The following CSMD2 variants were observed in gnomAD, a reference collection of about 807,000 sequenced individuals.
CSMD2 encodes CUB and sushi domain-containing protein 2.
In CSMD2, 130 loss-of-function variants were observed where a neutral mutation model predicts 398.5. The observed-to-expected ratio is 0.33, with a 90% CI of 0.28 to 0.38. CSMD2 has a LOEUF of 0.38. CSMD2 is among the 10% of genes least tolerant of loss of function. The pLI is 1.00. For missense variants in CSMD2, 3,829 were observed against 4,764.9 expected (o/e 0.80, Z 5.78); for synonymous variants, 1,828 against 1,908.5 (o/e 0.96, Z 1.10).
chr1:34,070,373 C>G lies in CSMD2; in HGVS notation c.404+18604G>C, dbSNP rs114116015. On this transcript the variant is annotated intron_variant, in intron 2 of 70. Transcript: ENST00000373381. ...TTTCTGGCTGACTGTTGCCCAAGGC[C>G]TTTCTCCCGCCCTCCACAGGCTCCT... 8.7e-3 allele frequency among the ~76,000 whole-genome samples: 1,319 copies of G among 152,302 alleles called. 18 individuals are homozygous for G. Among genetic ancestry groups the G allele is most frequent in the African/African-American group, 0.028 (1,160 of 41,552 alleles).
At chr1:33,528,274 A>C (rs1348402354) in intron 64 of CSMD2, among the ~76,000 whole-genome samples, 4 of 152,258 alleles carry the variant, frequency 2.6e-5, no homozygotes, top group Non-Finnish European at 5.9e-5. Flanking sequence ...CATACCTCAC[A>C]GGTCTATGCT....
intron 14 of CSMD2, among the ~76,000 whole-genome samples, chr1:33,742,589 C>G (rs866544470): frequency 2.5e-4 from 35 of 142,042 alleles, no homozygotes; most frequent in Admixed American, 2.0e-3. Flanking sequence ...CCCCCCCCCC[C>G]CAACCCCCTC....
intron 10 of CSMD2, among the ~76,000 whole-genome samples, chr1:33,799,851 G>A (rs941833099): frequency 2.0e-5 from 3 of 152,190 alleles, no homozygotes; most frequent in African/African-American, 4.8e-5. Flanking sequence ...GAAAATAAAC[G>A]GTGTGTTTTT....
Position 33,611,238 on chromosome 1 carries a change from T to C in CSMD2, c.6146A>G (p.Gln2049Arg). The C allele has an allele frequency of 3.1e-6, 5 of 1,613,746 alleles. No homozygotes were observed. The highest frequency in any genetic ancestry group is 4.2e-6 in the Non-Finnish European group (5 of 1,179,916). Residue 2049 changes from glutamine (Q) to arginine (R), a missense_variant, in exon 41 of 71, where the codon CAG (glutamine) becomes CGG (arginine). Gln to Arg is a conservative substitution (Grantham distance 43). Around this residue, in one of 5 missense-constraint regions of CSMD2, gnomAD observed 2,001 missense variants for 2,567.1 expected, o/e 0.78. Transcript: ENST00000373381. The part of the protein sequence containing the change: ...ALPVGFGAHI[Q>R]FLNFSTEPNH... ...GGGCTCGGTGGAGAAGTTCAGGAACTGGATGTGAGCTCCTGGGAGCAAGAC... is the reference window on the plus strand; with the variant it reads ...GGGCTCGGTGGAGAAGTTCAGGAACCGGATGTGAGCTCCTGGGAGCAAGAC...
At chr1:33,826,159 C>A (rs1658787258) in intron 6 of CSMD2, among the ~76,000 whole-genome samples, 1 of 152,182 alleles carries the variant, frequency 6.6e-6, no homozygotes. Context: ...TCTGCTTCTC[C>A]ACAGCTTTTT....
intron 5 of CSMD2, 79 bp from the exon 6 acceptor site, chr1:33,847,075 C>G: frequency 1.0e-6 from 1 of 956,136 alleles, no homozygotes; most frequent in East Asian, 2.9e-5. Context: ...AGTTCCTCCA[C>G]TTCCCTTGAG....
chr1:33,538,111 A>C (rs1655977797), intron 60 of CSMD2, among the ~76,000 whole-genome samples: 1 of 152,222 alleles, frequency 6.6e-6, no homozygotes, highest in African/African-American at 2.4e-5. Context: ...ATTATATTTT[A>C]TCATAATCCT....
intron 13 of CSMD2, among the ~76,000 whole-genome samples, chr1:33,768,315 T>C (rs930027193): frequency 6.6e-6 from 1 of 152,212 alleles, no homozygotes; most frequent in African/African-American, 2.4e-5. Flanking sequence ...GAGATATTTT[T>C]GGCTGTCACA....
chr1:33,865,643 G>C (rs1639976137), intron 5 of CSMD2, among the ~76,000 whole-genome samples: 1 of 152,140 alleles, frequency 6.6e-6, no homozygotes, highest in African/African-American at 2.4e-5. Flanking sequence ...AGTCCTGGGG[G>C]ACACCGCAGT....
chr1:33,597,975 A>G (rs1639949754), intron 44 of CSMD2, among the ~76,000 whole-genome samples: 1 of 152,252 alleles, frequency 6.6e-6, no homozygotes, highest in African/African-American at 2.4e-5. Context: ...TCACAGAAGA[A>G]CATTTATAGA....
intron 51 of CSMD2, among the ~76,000 whole-genome samples, 155 bp downstream of exon 51, chr1:33,571,377 C>T (rs964973188): frequency 5.3e-5 from 8 of 152,184 alleles, no homozygotes; most frequent in Admixed American, 2.0e-4. Flanking sequence ...GGCATTTTCC[C>T]AGCTCCTGAT....
intron 1 of CSMD2, among the ~76,000 whole-genome samples, chr1:34,147,148 C>A (rs1337873863): frequency 2.0e-5 from 3 of 152,172 alleles, no homozygotes; most frequent in African/African-American, 7.2e-5. Flanking sequence ...GTCCCAGCTA[C>A]TCGGGAGGCT....
At chr1:33,697,684 C>T (rs1408199024) in intron 24 of CSMD2, among the ~76,000 whole-genome samples, 1 of 152,228 alleles carries the variant, frequency 6.6e-6, no homozygotes, top group African/African-American at 2.4e-5. Context: ...ATATCACCTC[C>T]CATGCAAAAC....
In CSMD2 at chr1:33,629,751, TTTTTC is replaced by T. The variant is rs540652144; in HGVS notation, c.5201-3175_5201-3171del. On this transcript the variant is annotated intron_variant, in intron 32 of 70. Transcript: ENST00000373381. ...GATATTGATATCTACAGGTTTTTTTTTTTTCTTTTGAGACGGAGTCTCTCTCTGTC... is the reference window on the plus strand; with the variant it reads ...GATATTGATATCTACAGGTTTTTTTTTTTTGAGACGGAGTCTCTCTCTGTC... Among the ~76,000 whole-genome samples the T allele has an allele frequency of 3.3e-3, 497 of 151,866 alleles. 4 individuals are homozygous for T. The highest frequency in any genetic ancestry group is 0.012 in the African/African-American group (480 of 41,426).
intron 5 of CSMD2, among the ~76,000 whole-genome samples, chr1:33,896,010 G>C (rs1642363627): frequency 6.6e-6 from 1 of 152,150 alleles, no homozygotes; most frequent in Admixed American, 6.5e-5. Context: ...CAGAACCCCA[G>C]AGTCTGGGAG....
intron 3 of CSMD2, among the ~76,000 whole-genome samples, chr1:33,983,053 A>G (rs1353564363): frequency 6.6e-6 from 1 of 152,186 alleles, no homozygotes; most frequent in African/African-American, 2.4e-5. Flanking sequence ...AGCTGTCTAC[A>G]GATGGGCTGT....
At chr1:33,747,009 G>C (rs1647477633) in intron 13 of CSMD2, among the ~76,000 whole-genome samples, 1 of 152,162 alleles carries the variant, frequency 6.6e-6, no homozygotes, top group African/African-American at 2.4e-5. Flanking sequence ...CAGTGGAAAA[G>C]GGTATGAATG....
chr1:33,967,921 T>C (rs2147904573), intron 3 of CSMD2, among the ~76,000 whole-genome samples: 1 of 152,298 alleles, frequency 6.6e-6, no homozygotes, highest in South Asian at 2.1e-4. Flanking sequence ...CTTCCTTACA[T>C]GGTTTTCTGC....
chr1:33,760,316 C>T (rs1649661760), intron 13 of CSMD2, among the ~76,000 whole-genome samples: 1 of 152,164 alleles, frequency 6.6e-6, no homozygotes, highest in African/African-American at 2.4e-5. Context: ...TCCTCAGTGG[C>T]TGGCTGAGGA....
Sources: allele counts gnomAD v4.1 joint callset (sites outside exome capture counted in the v4.1 genomes callset), GRCh38; gene constraint gnomAD v4.1.1; regional missense constraint gnomAD v4.1.1; transcripts MANE v1.5; gene names NCBI Gene and HGNC (gene_info 2026-07-23, HGNC 2026-07-21).